The following SORCS2 variants were observed in gnomAD, a reference collection of about 807,000 sequenced individuals.
SORCS2 encodes the protein sortilin related VPS10 domain containing receptor 2.
Under a neutral mutation model 141.6 loss-of-function variants are expected in SORCS2, and 100 were observed. The ratio of observed to expected loss-of-function variants is 0.71; its 90% CI spans 0.60 to 0.83. The LOEUF is 0.83. SORCS2 is among the 40% of genes least tolerant of loss of function. The pLI, the probability that SORCS2 is intolerant of heterozygous loss-of-function variation, is 0.00. For missense variants in SORCS2, 1,646 were observed against 1,560.2 expected, an observed-to-expected ratio of 1.05 and a Z score of -0.93; for synonymous variants, 789 against 676.9, an observed-to-expected ratio of 1.17 and a Z score of -2.57.
At chr4:7,209,082 G>A (rs1041831264) in intron 1 of SORCS2, among the ~76,000 whole-genome samples, 1 of 152,188 alleles carries the variant, frequency 6.6e-6, no homozygotes, top group Admixed American at 6.5e-5. Flanking sequence ...TGCAGACCTC[G>A]TGAAACTTCA....
chr4:7,631,489 T>C (rs941604660), intron 3 of SORCS2, among the ~76,000 whole-genome samples: 10 of 152,054 alleles, frequency 6.6e-5, no homozygotes, highest in Admixed American at 2.6e-4. Context: ...TGGCCCACCC[T>C]GTGTGAGCTG....
At chr4:7,611,843 A>T (rs1355758493) in intron 3 of SORCS2, among the ~76,000 whole-genome samples, 1 of 152,218 alleles carries the variant, frequency 6.6e-6, no homozygotes, top group Non-Finnish European at 1.5e-5. Flanking sequence ...TGCTGTTAGG[A>T]CAGAGGCCAT....
chr4:7,661,270 C>T (rs58190655), intron 5 of SORCS2, among the ~76,000 whole-genome samples: 2,157 of 106,912 alleles, frequency 0.02, 28 homozygotes, highest in Middle Eastern at 0.03. Context: ...TCAGCTCACT[C>T]AAGGAAAACG....
At chr4:7,386,452 T>C (rs1235785609) in intron 1 of SORCS2, among the ~76,000 whole-genome samples, 2 of 58,728 alleles carry the variant, frequency 3.4e-5, no homozygotes, top group Non-Finnish European at 6.4e-5. Flanking sequence ...GAGATACACA[T>C]GTGCACGCAC....
Position 7,508,521 on chromosome 4 carries a change from A to G in SORCS2, c.549-23009A>G, listed in dbSNP as rs111714779. Among the ~76,000 whole-genome samples, 386 of 152,196 alleles carry G rather than the reference A, an allele frequency of 2.5e-3. 8 individuals are homozygous for G. The highest frequency in any genetic ancestry group is 0.014 in the Middle Eastern group (4 of 294). On this transcript the variant is annotated intron_variant, in intron 2 of 26. Coordinates refer to ENST00000507866, the MANE Select transcript of SORCS2 (RefSeq NM_020777.3). ...ATCCGCTAATTTTTGTATTTTTAGT[A>G]GAGACGGGGTTTCACCATGTTGGCC...
chr4:7,309,282 A>G (rs1718033659), intron 1 of SORCS2, among the ~76,000 whole-genome samples: 1 of 152,180 alleles, frequency 6.6e-6, no homozygotes, highest in African/African-American at 2.4e-5. Flanking sequence ...CTGGTGATGG[A>G]GCTCAGGCTT....
chr4:7,318,961 C>T (rs6822054), intron 1 of SORCS2, among the ~76,000 whole-genome samples: 89,315 of 152,018 alleles, frequency 0.59, 26,310 homozygotes, highest in South Asian at 0.72. Flanking sequence ...TTTTCCAGGA[C>T]GCCAGGTAAG....
rs112554425 is a variant in SORCS2 at position 7,472,631 on chromosome 4, C to A, written c.549-58899C>A. Among the ~76,000 whole-genome samples, 1,336 of 152,278 alleles carry A rather than the reference C, an allele frequency of 8.8e-3. 15 individuals carry two copies. The highest frequency in any genetic ancestry group is 0.031 in the African/African-American group (1,278 of 41,556). On this transcript the variant is annotated intron_variant, in intron 2 of 26. Coordinates refer to ENST00000507866, the MANE Select transcript of SORCS2 (RefSeq NM_020777.3). Reference sequence around the variant, plus strand: ...GAATGTTTCTTTCACACACGCCGCGCTTCTGGGAAGGACACGGGAGGGCAG... The same window carrying A: ...GAATGTTTCTTTCACACACGCCGCGATTCTGGGAAGGACACGGGAGGGCAG...
intron 3 of SORCS2, among the ~76,000 whole-genome samples, chr4:7,606,584 G>C (rs1718078875): frequency 6.6e-6 from 1 of 152,240 alleles, no homozygotes; most frequent in East Asian, 1.9e-4. Context: ...CTCAGGAACA[G>C]GGAGGTGCGT....
chr4:7,402,516 G>C (rs575328552), intron 2 of SORCS2, among the ~76,000 whole-genome samples: 2 of 152,180 alleles, frequency 1.3e-5, no homozygotes, highest in African/African-American at 4.8e-5. Flanking sequence ...CATGTAGCAC[G>C]TGTAATCTAT....
At chr4:7,314,554 T>C (rs1307326757) in intron 1 of SORCS2, among the ~76,000 whole-genome samples, 1 of 152,142 alleles carries the variant, frequency 6.6e-6, no homozygotes, top group East Asian at 1.9e-4. Flanking sequence ...TTAGCCAGGA[T>C]GTTCTCCATC....
chr4:7,551,636 C>T (rs918580380), intron 3 of SORCS2, among the ~76,000 whole-genome samples: 3 of 152,170 alleles, frequency 2.0e-5, no homozygotes, highest in Non-Finnish European at 2.9e-5. Context: ...TTACTCTACC[C>T]GTGACATGAG....
rs536621636 is a variant in SORCS2, at chr4:7,602,616, G to A, written c.649-35712G>A. Among the ~76,000 whole-genome samples the A allele has an allele frequency of 1.6e-3, 240 of 149,758 alleles. 1 individual carries two copies. Among genetic ancestry groups the A allele is most frequent in the African/African-American group, 5.3e-3 (216 of 40,530 alleles). On this transcript the variant is annotated intron_variant, in intron 3 of 26. Coordinates refer to ENST00000507866, the MANE Select transcript of SORCS2 (RefSeq NM_020777.3). ...TTGACGGGATGACTGCCGGGAAGAG[G>A]CGCTCCTCACTTCCTTGACGGGATG...
At chr4:7,367,909 C>T (rs997780842) in intron 1 of SORCS2, among the ~76,000 whole-genome samples, 2 of 152,214 alleles carry the variant, frequency 1.3e-5, no homozygotes, top group Admixed American at 1.3e-4. Context: ...AGCCCTCCTG[C>T]CACCCGGGCC....
At chr4:7,599,806 G>T (rs1323184247) in intron 3 of SORCS2, among the ~76,000 whole-genome samples, 6 of 151,608 alleles carry the variant, frequency 4.0e-5, no homozygotes, top group Non-Finnish European at 8.8e-5. Flanking sequence ...AGAGCTGTGG[G>T]GTGGGTTTTC....
At chr4:7,557,784 T>C (rs1194101001) in intron 3 of SORCS2, among the ~76,000 whole-genome samples, 1 of 152,190 alleles carries the variant, frequency 6.6e-6, no homozygotes, top group East Asian at 1.9e-4. Context: ...CCTGCCCCGA[T>C]GTGATGCCTT....
At chr4:7,543,715 TCCAC>T (rs1712936116) in intron 3 of SORCS2, among the ~76,000 whole-genome samples, 6 of 6,386 alleles carry the variant, frequency 9.4e-4, no homozygotes, top group Admixed American at 2.5e-3. Flanking sequence ...CATCCACCCA[TCCAC>T]CCATCCACCC....
At chr4:7,369,969 G>T (rs2109041600) in intron 1 of SORCS2, among the ~76,000 whole-genome samples, 1 of 152,338 alleles carries the variant, frequency 6.6e-6, no homozygotes, top group South Asian at 2.1e-4. Context: ...ACCTTGGGTA[G>T]GTTATTCTCC....
chr4:7,248,885 G>A (rs1055405290), intron 1 of SORCS2, among the ~76,000 whole-genome samples: 1 of 152,218 alleles, frequency 6.6e-6, no homozygotes, highest in African/African-American at 2.4e-5. Flanking sequence ...AACCCTGAGA[G>A]CTTGTGTCTG....
Sources: gnomAD v4.1 joint callset for allele counts (sites outside exome capture counted in the v4.1 genomes callset) on GRCh38, gnomAD v4.1.1 for gene constraint, MANE v1.5 for transcripts, NCBI Gene and HGNC (gene_info 2026-07-23, HGNC 2026-07-21) for gene names.